Variants in MAGI2 observed in about 807,000 individuals in gnomAD.
The protein encoded by MAGI2 is membrane associated guanylate kinase, WW and PDZ domain containing 2, also known as membrane-associated guanylate kinase, WW and PDZ domain-containing protein 2.
Under a neutral mutation model 133.3 loss-of-function variants are expected in MAGI2, and 35 were observed. That is an observed-to-expected ratio of 0.26 (90% CI 0.20 to 0.35). The LOEUF (loss-of-function observed/expected upper bound fraction) is 0.35. Ranked by LOEUF, MAGI2 falls within the 10% of genes least tolerant of loss-of-function variation. The probability of loss-of-function intolerance (pLI) is 1.00; values close to 1 mark genes in which losing one functional copy is unlikely to be tolerated. For synonymous variants in MAGI2, 729 were observed against 710.6 expected, an observed-to-expected ratio of 1.03 and a Z score of -0.41; for missense variants, 1,636 against 1,863.4, an observed-to-expected ratio of 0.88 and a Z score of 2.25.
chr7:78,628,229 A>T (rs1276212826), intron 2 of MAGI2, among the ~76,000 whole-genome samples: 2 of 152,120 alleles, frequency 1.3e-5, no homozygotes, highest in Non-Finnish European at 2.9e-5. Flanking sequence ...TCCTTTTTCT[A>T]TGCCACCTAC....
chr7:78,489,727 A>G (rs1159745012), intron 6 of MAGI2, 34 bp downstream of exon 6: 2 of 1,493,038 alleles, frequency 1.3e-6, no homozygotes, highest in South Asian at 1.1e-5. Context: ...CTCAAAGCAC[A>G]TTGCTGAAAC....
chr7:79,052,517 T>C (rs1456297889), intron 1 of MAGI2, among the ~76,000 whole-genome samples: 1 of 152,170 alleles, frequency 6.6e-6, no homozygotes, highest in Admixed American at 6.5e-5. Flanking sequence ...GATGTTGGCA[T>C]TGACTTGGAT....
chr7:78,454,197 A>G (rs7810530), intron 6 of MAGI2, among the ~76,000 whole-genome samples: 62,202 of 151,856 alleles, frequency 0.41, 15,050 homozygotes, highest in African/African-American at 0.69. Flanking sequence ...CGACAGGATC[A>G]ACATACCTCA....
Position 78,125,748 on chromosome 7 carries a change from C to G in MAGI2, c.3513G>C (p.Leu1171Phe). 6.2e-7 allele frequency: 1 copy of G among 1,613,614 alleles called. No homozygotes were observed. Among genetic ancestry groups the G allele is most frequent in the Non-Finnish European group, 8.5e-7 (1 of 1,179,734 alleles). ...CATCTTCTGCCAGTCTCAACACATACAAATCCATTTTGTATTCCCTTCCTC... is the reference window on the plus strand; with the variant it reads ...CATCTTCTGCCAGTCTCAACACATAGAAATCCATTTTGTATTCCCTTCCTC... Reference protein sequence around the residue: ...IRGGREYKMDLYVLRLAEDGP... With the variant: ...IRGGREYKMDFYVLRLAEDGP... Residue 1171 changes from leucine to phenylalanine, a missense_variant, in exon 20 of 22, where the codon TTG becomes TTC. By Grantham distance (22) the Leu-to-Phe change is conservative. Around this residue, in one of 5 missense-constraint regions of MAGI2, gnomAD observed 49 missense variants for 103.8 expected, o/e 0.47. Transcript: ENST00000354212.
chr7:78,030,407 C>A (rs1809442125), intron 21 of MAGI2, among the ~76,000 whole-genome samples: 1 of 152,164 alleles, frequency 6.6e-6, no homozygotes, highest in Admixed American at 6.5e-5. Flanking sequence ...CAGGCACACG[C>A]CACCAAGCCC....
At chr7:78,685,863 G>A (rs1206424721) in intron 2 of MAGI2, among the ~76,000 whole-genome samples, 5 of 151,940 alleles carry the variant, frequency 3.3e-5, no homozygotes, top group African/African-American at 9.7e-5. Context: ...GCTACTGTGA[G>A]CACAGATGAC....
chr7:78,856,505 G>C (rs1202018685), intron 2 of MAGI2, among the ~76,000 whole-genome samples: 1 of 152,146 alleles, frequency 6.6e-6, no homozygotes, highest in African/African-American at 2.4e-5. Flanking sequence ...TTATTAAATA[G>C]GGAATCCTTT....
chr7:78,565,471 C>T (rs950833261), intron 3 of MAGI2, among the ~76,000 whole-genome samples: 6 of 140,040 alleles, frequency 4.3e-5, no homozygotes, highest in South Asian at 4.4e-4. Context: ...ATCTCTAAAA[C>T]GCTAAAAAAA....
chr7:78,361,324 C>T (rs1261755620), intron 7 of MAGI2, among the ~76,000 whole-genome samples: 2 of 147,902 alleles, frequency 1.4e-5, no homozygotes, highest in African/African-American at 2.5e-5. Flanking sequence ...AACCGGGAGG[C>T]GGAGCTTGCA....
At chr7:79,101,585 G>A (rs959185529) in intron 1 of MAGI2, among the ~76,000 whole-genome samples, 4 of 152,000 alleles carry the variant, frequency 2.6e-5, no homozygotes, top group South Asian at 2.1e-4. Context: ...TTAGGCAGGC[G>A]TGGTGGCGGG....
intron 2 of MAGI2, among the ~76,000 whole-genome samples, chr7:78,894,774 A>T (rs917558075): frequency 4.6e-5 from 7 of 152,238 alleles, no homozygotes; most frequent in African/African-American, 1.7e-4. Context: ...TCAAAGTAAG[A>T]GTAACAGAAA....
At chr7:78,793,037 T>C (rs2151373886) in intron 2 of MAGI2, among the ~76,000 whole-genome samples, 1 of 152,364 alleles carries the variant, frequency 6.6e-6, no homozygotes, top group Non-Finnish European at 1.5e-5. Flanking sequence ...ATGTTATTTG[T>C]TTTGGCTAAA....
At chr7:78,056,461 A>C (rs965755481) in intron 21 of MAGI2, among the ~76,000 whole-genome samples, 1 of 152,222 alleles carries the variant, frequency 6.6e-6, no homozygotes, top group Non-Finnish European at 1.5e-5. Context: ...AATGTGGTAC[A>C]TATGTACCAT....
chr7:79,280,915 A>T (rs2129557940), intron 1 of MAGI2, among the ~76,000 whole-genome samples: 2 of 118,480 alleles, frequency 1.7e-5, no homozygotes, highest in South Asian at 6.3e-4. Context: ...ACAGAGCAAG[A>T]CTCTGTCTCT....
intron 9 of MAGI2, among the ~76,000 whole-genome samples, chr7:78,342,888 C>T (rs974047582): frequency 6.6e-6 from 1 of 152,086 alleles, no homozygotes; most frequent in East Asian, 1.9e-4. Context: ...CAGCAAACCA[C>T]CATGGCACGT....
intron 1 of MAGI2, among the ~76,000 whole-genome samples, chr7:79,188,192 G>T (rs10236365): frequency 0.056 from 8,536 of 151,732 alleles, 895 homozygotes; most frequent in African/African-American, 0.2. Context: ...GTGCCATGGT[G>T]GTTTGCTGCA....
At chr7:78,399,936 C>CA (rs5885056) in intron 6 of MAGI2, among the ~76,000 whole-genome samples, 30,864 of 149,534 alleles carry the variant, frequency 0.21, 3,298 homozygotes, top group South Asian at 0.24. Context: ...TAAAACACAG[C>CA]AAAAAAAAAT....
intron 6 of MAGI2, among the ~76,000 whole-genome samples, chr7:78,466,134 A>C (rs1389738318): frequency 6.6e-6 from 1 of 152,104 alleles, no homozygotes; most frequent in Non-Finnish European, 1.5e-5. Flanking sequence ...CTCAATTTGC[A>C]TGAAATTCCA....
chr7:78,480,902 TGAAA>T (rs2150457686), intron 6 of MAGI2, among the ~76,000 whole-genome samples: 1 of 151,996 alleles, frequency 6.6e-6, no homozygotes, highest in South Asian at 2.1e-4. Flanking sequence ...GAAATGCTGA[TGAAA>T]GAACTCAAAG....
Sources: gnomAD v4.1 joint callset for allele counts (sites outside exome capture counted in the v4.1 genomes callset) on GRCh38, gnomAD v4.1.1 for gene constraint, gnomAD v4.1.1 regional missense constraint, MANE v1.5 for transcripts, NCBI Gene and HGNC (gene_info 2026-07-23, HGNC 2026-07-21) for gene names.